The following SLC38A4 variants were observed in gnomAD, a reference collection of about 807,000 sequenced individuals.
SLC38A4 encodes the protein sodium-coupled neutral amino acid transporter 4.
A neutral mutation model predicts 63.1 loss-of-function variants in SLC38A4; 20 were observed. The observed-to-expected ratio is 0.32, with a 90% CI of 0.22 to 0.46. The LOEUF is 0.46. Ranked by LOEUF, SLC38A4 falls within the 20% of genes least tolerant of loss-of-function variation. The pLI is 1.00. For synonymous variants in SLC38A4, 230 were observed against 225.5 expected, an observed-to-expected ratio of 1.02 and a Z score of -0.18; for missense variants, 526 against 663.6, an observed-to-expected ratio of 0.79 and a Z score of 2.28.
At chr12:46,825,370 T>C (rs2120933694) in intron 1 of SLC38A4, among the ~76,000 whole-genome samples, 1 of 150,792 alleles carries the variant, frequency 6.6e-6, no homozygotes, top group Admixed American at 6.6e-5. Context: ...TAATGAAATA[T>C]AGCATAGTGG....
At chr12:46,810,976 AT>A (rs1939329581) in intron 1 of SLC38A4, among the ~76,000 whole-genome samples, 1 of 152,048 alleles carries the variant, frequency 6.6e-6, no homozygotes. Flanking sequence ...TAGGAAAAAA[AT>A]GATTGTTTTT....
intron 2 of SLC38A4, among the ~76,000 whole-genome samples, chr12:46,799,777 G>A (rs1336952794): frequency 6.6e-6 from 1 of 152,022 alleles, no homozygotes; most frequent in Non-Finnish European, 1.5e-5. Context: ...TGAATCATCT[G>A]TCTACAGCAC....
intron 3 of SLC38A4, among the ~76,000 whole-genome samples, chr12:46,789,133 T>C (rs1252521893): frequency 6.6e-6 from 1 of 151,514 alleles, no homozygotes; most frequent in African/African-American, 2.4e-5. Context: ...TACCCACCCA[T>C]ACCCAGGGGG....
intron 1 of SLC38A4, among the ~76,000 whole-genome samples, chr12:46,822,596 G>T (rs1288621217): frequency 1.3e-5 from 2 of 152,118 alleles, no homozygotes; most frequent in African/African-American, 4.8e-5. Flanking sequence ...TGATTCAAAA[G>T]ATAGGATCCC....
chr12:46,823,153 C>G (rs966984385), intron 1 of SLC38A4, among the ~76,000 whole-genome samples: 1 of 152,262 alleles, frequency 6.6e-6, no homozygotes, highest in South Asian at 2.1e-4. Flanking sequence ...TCACACCTTC[C>G]TAATGACTGT....
intron 2 of SLC38A4, among the ~76,000 whole-genome samples, chr12:46,800,002 A>C (rs1045050152): frequency 3.1e-4 from 47 of 152,302 alleles, no homozygotes; most frequent in African/African-American, 1.1e-3. Flanking sequence ...TAATCAAAGA[A>C]TTATTGCATG....
rs1254768963 is a variant in SLC38A4, at chr12:46,765,904, A to C, written c.*797T>G. On this transcript the variant is annotated 3_prime_UTR_variant, in exon 17 of 17. Coordinates refer to ENST00000266579, the MANE Select transcript of SLC38A4 (RefSeq NM_018018.5). ...GAGGGAGAGCATTGTTCAATGACAAAAGTATGACAAGAGGATTTAGGAATA... is the reference window on the plus strand; with the variant it reads ...GAGGGAGAGCATTGTTCAATGACAACAGTATGACAAGAGGATTTAGGAATA... The C allele has an allele frequency of 6.4e-6, 1 of 157,270 alleles. No homozygotes were observed. The highest frequency in any genetic ancestry group is 2.4e-5 in the African/African-American group (1 of 41,452). 9.7% of individuals were successfully genotyped at this position (157,270 alleles called of 1,614,324 possible).
At chr12:46,780,678 A>C (rs1262179257) in intron 7 of SLC38A4, among the ~76,000 whole-genome samples, 1 of 151,880 alleles carries the variant, frequency 6.6e-6, no homozygotes, top group Non-Finnish European at 1.5e-5. Context: ...GCAAAATTTC[A>C]TGAGCATCTA....
Position 46,768,222 on chromosome 12 carries a change from C to T in SLC38A4, c.1542+88G>A, listed in dbSNP as rs1938337535. 5.2e-6 allele frequency: 5 copies of T among 970,062 alleles called. No homozygotes were observed. In the South Asian group the frequency reaches 8.8e-5, roughly 17 times the overall value. The allele number at this position is 970,062 out of a possible 1,614,324, so 60.1% of individuals were successfully genotyped here. On this transcript the variant is annotated intron_variant, in intron 16 of 16. Transcript: ENST00000266579. The stretch of plus-strand genomic sequence containing the variant: ...GATTTTTGGTTCTTGTACATTGATT[C>T]ATTTTTCTGAACTATGTGTATTTTC...
intron 7 of SLC38A4, among the ~76,000 whole-genome samples, chr12:46,780,603 G>GT (rs66775916): frequency 8.3e-4 from 124 of 149,328 alleles, no homozygotes; most frequent in African/African-American, 2.3e-3. Flanking sequence ...TGTCAAAGAA[G>GT]TTTTTTTTTT....
chr12:46,783,761 G>A (rs1938698978), intron 7 of SLC38A4, among the ~76,000 whole-genome samples: 1 of 152,000 alleles, frequency 6.6e-6, no homozygotes, highest in Non-Finnish European at 1.5e-5. Flanking sequence ...AGCAGGTTTA[G>A]GGACTGGGTA....
chr12:46,811,898 C>G (rs1038058885), intron 1 of SLC38A4, among the ~76,000 whole-genome samples: 1 of 151,872 alleles, frequency 6.6e-6, no homozygotes, highest in Non-Finnish European at 1.5e-5. Flanking sequence ...AATTGCAAGT[C>G]TTACAGGAGT....
intron 1 of SLC38A4, among the ~76,000 whole-genome samples, chr12:46,814,207 G>T (rs889203826): frequency 6.6e-6 from 1 of 151,906 alleles, no homozygotes; most frequent in African/African-American, 2.4e-5. Flanking sequence ...CTTTGAAAGT[G>T]TATTGTTACT....
intron 15 of SLC38A4, 105 bp downstream of exon 15, chr12:46,769,179 C>G: frequency 2.4e-6 from 3 of 1,263,794 alleles, no homozygotes; most frequent in Non-Finnish European, 3.4e-6. Flanking sequence ...AATCCATGAG[C>G]CTGAGAAAGA....
chr12:46,769,673 C>G (rs566726533), intron 14 of SLC38A4, among the ~76,000 whole-genome samples: 17 of 152,100 alleles, frequency 1.1e-4, no homozygotes, highest in African/African-American at 4.1e-4. Context: ...CAACAGACCA[C>G]ATATAAGACA....
intron 3 of SLC38A4, among the ~76,000 whole-genome samples, chr12:46,789,476 G>A (rs1429209447): frequency 6.6e-6 from 1 of 152,116 alleles, no homozygotes; most frequent in African/African-American, 2.4e-5. Flanking sequence ...TTGGACACAG[G>A]CTAGAAGATG....
chr12:46,800,189 C>T (rs1273560015), intron 2 of SLC38A4, among the ~76,000 whole-genome samples: 5 of 152,098 alleles, frequency 3.3e-5, no homozygotes, highest in Non-Finnish European at 5.9e-5. Context: ...TCATGTCCAA[C>T]GTATCACCAA....
intron 2 of SLC38A4, among the ~76,000 whole-genome samples, chr12:46,798,440 C>T (rs764797354): frequency 6.6e-6 from 1 of 152,140 alleles, no homozygotes; most frequent in Non-Finnish European, 1.5e-5. Context: ...CCCCTCCCTC[C>T]TCCACTCCAT....
chr12:46,781,739 A>G (rs1160001925), intron 7 of SLC38A4, among the ~76,000 whole-genome samples: 1 of 152,034 alleles, frequency 6.6e-6, no homozygotes, highest in East Asian at 1.9e-4. Context: ...GTGAGGCTTG[A>G]CTGAGAGACC....
Sources: gnomAD v4.1 joint callset for allele counts (sites outside exome capture counted in the v4.1 genomes callset) on GRCh38, gnomAD v4.1.1 for gene constraint, MANE v1.5 for transcripts, NCBI Gene and HGNC (gene_info 2026-07-23, HGNC 2026-07-21) for gene names.